Variants in NMT2 observed in about 807,000 individuals in gnomAD.
NMT2 encodes the protein glycylpeptide N-tetradecanoyltransferase 2.
Under a neutral mutation model 65.4 loss-of-function variants are expected in NMT2, and 35 were observed. That is an observed-to-expected ratio of 0.54 (90% confidence interval 0.41 to 0.71). The LOEUF (loss-of-function observed/expected upper bound fraction) is 0.71. Among genes scored for constraint, NMT2 ranks in the 30% least tolerant of loss-of-function variants. The pLI is 0.00. For synonymous variants in NMT2, 226 were observed against 231.8 expected, an observed-to-expected ratio of 0.98 and a Z score of 0.23; for missense variants, 489 against 611.3, an observed-to-expected ratio of 0.80 and a Z score of 2.11.
Position 15,143,543 on chromosome 10 carries a change from A to G in NMT2, c.111-1986T>C, listed in dbSNP as rs528612086. Among the ~76,000 whole-genome samples the G allele has an allele frequency of 2.0e-4, 31 of 152,304 alleles. No homozygotes were observed. In the South Asian group the frequency reaches 6.4e-3, roughly 32 times the overall value. On this transcript the variant is annotated intron_variant, in intron 1 of 11. Transcript: ENST00000378165. ...TGCCTATCCAACTGGATGAAAATAT[A>G]TTTGTCCTGAGTGTCAGTTAGTAAT...
intron 1 of NMT2, among the ~76,000 whole-genome samples, chr10:15,161,705 TA>T (rs1833205142): frequency 6.6e-6 from 1 of 152,018 alleles, no homozygotes. Flanking sequence ...ATAAAAACAA[TA>T]AAGCTGTCAG....
intron 1 of NMT2, among the ~76,000 whole-genome samples, chr10:15,162,917 T>C (rs1381327956): frequency 1.3e-5 from 2 of 149,896 alleles, no homozygotes; most frequent in Non-Finnish European, 3.0e-5. Flanking sequence ...AATATATACA[T>C]ATAAGAGAGA....
chr10:15,116,853 A>G (rs1845764047), intron 9 of NMT2, among the ~76,000 whole-genome samples: 1 of 152,164 alleles, frequency 6.6e-6, no homozygotes, highest in Non-Finnish European at 1.5e-5. Context: ...AACTATTAAA[A>G]CTCAACCAAG....
intron 7 of NMT2, among the ~76,000 whole-genome samples, chr10:15,129,692 C>T (rs1241692408): frequency 1.3e-5 from 2 of 152,010 alleles, no homozygotes; most frequent in East Asian, 1.9e-4. Context: ...TAGATCCACA[C>T]GAGGTCAGGA....
intron 1 of NMT2, chr10:15,154,654 G>T: frequency 2.5e-6 from 1 of 403,120 alleles, no homozygotes; most frequent in African/African-American, 2.1e-5. Context: ...GGCATGGAAG[G>T]GGGCAAGGAA....
intron 6 of NMT2, among the ~76,000 whole-genome samples, chr10:15,131,250 T>C (rs973185892): frequency 1.3e-5 from 2 of 152,140 alleles, no homozygotes; most frequent in African/African-American, 4.8e-5. Context: ...TTTTGGGACT[T>C]TGGTCCATTA....
intron 1 of NMT2, among the ~76,000 whole-genome samples, chr10:15,142,614 A>G (rs908630517): frequency 6.6e-6 from 1 of 152,220 alleles, no homozygotes; most frequent in African/African-American, 2.4e-5. Flanking sequence ...CAATTCTAAA[A>G]TAGAAAACAG....
intron 9 of NMT2, among the ~76,000 whole-genome samples, chr10:15,117,091 C>T (rs947125240): frequency 1.3e-5 from 2 of 152,130 alleles, no homozygotes; most frequent in Non-Finnish European, 2.9e-5. Context: ...CTAAACCAGA[C>T]AGACATTACA....
intron 8 of NMT2, among the ~76,000 whole-genome samples, chr10:15,127,571 T>TAAAAAAAAAAAAAAAAAAAA (rs1222509538): frequency 1.3e-5 from 1 of 75,810 alleles, no homozygotes; most frequent in Admixed American, 1.8e-4. Flanking sequence ...AAAAAAAAAA[T>TAAAAAAAAAAAAAAAAAAAA]AAATAAATAA....
At chr10:15,111,509 C>CAAAAAAAAAAAAAAA (rs58537120) in intron 10 of NMT2, among the ~76,000 whole-genome samples, 3 of 52,802 alleles carry the variant, frequency 5.7e-5, no homozygotes, top group Non-Finnish European at 4.0e-5. Context: ...AGACTCATCT[C>CAAAAAAAAAAAAAAA]AAAAAAAAAA....
At position 15,106,017 on chromosome 10, in the gene NMT2, T is replaced by TA. The variant is rs919332135; in HGVS notation, c.*3177dup. ...GCAGTTATTTATTTTACTTTCGAGA[T>TA]AGAGTCTCACTCTGTTGCCCAGGCT... On this transcript the variant is annotated 3_prime_UTR_variant, in exon 12 of 12. Coordinates refer to ENST00000378165, the MANE Select transcript of NMT2 (RefSeq NM_004808.3). 9.6e-6 allele frequency: 4 copies of TA among 417,038 alleles called. No individual in the cohort carries two copies. The highest frequency in any genetic ancestry group is 4.3e-5 in the African/African-American group (2 of 46,916). The allele number at this position is 417,038 out of a possible 1,614,324, so 25.8% of individuals were successfully genotyped here. A position where few individuals can be genotyped will look rare whatever the true frequency, so the allele number is the denominator to read the frequency against.
intron 1 of NMT2, among the ~76,000 whole-genome samples, chr10:15,161,674 T>C (rs905546591): frequency 2.0e-5 from 3 of 152,144 alleles, no homozygotes; most frequent in African/African-American, 7.2e-5. Flanking sequence ...GGATGTGTTT[T>C]ATAAAGAACG....
chr10:15,129,907 CA>C (rs753710829), intron 7 of NMT2, among the ~76,000 whole-genome samples: 835 of 57,244 alleles, frequency 0.015, 8 homozygotes, highest in African/African-American at 0.037. Flanking sequence ...GAGTCTGCCT[CA>C]AAAAAAAAAA....
intron 1 of NMT2, 70 bp from the exon 2 acceptor site, chr10:15,141,627 C>A (rs1034789502): frequency 6.0e-6 from 9 of 1,505,932 alleles, no homozygotes; most frequent in South Asian, 1.3e-5. Context: ...GAATTGCATA[C>A]AATTAATCAT....
chr10:15,156,670 G>A (rs567477956), intron 1 of NMT2, among the ~76,000 whole-genome samples: 9 of 152,204 alleles, frequency 5.9e-5, no homozygotes, highest in African/African-American at 1.2e-4. Context: ...AGGTCGAGGC[G>A]GGAGGATCAC....
rs765987022 is a variant in NMT2 at position 15,130,786 on chromosome 10, C to CTT, written c.720-476_720-475dup. On this transcript the variant is annotated intron_variant, in intron 6 of 11. Coordinates refer to ENST00000378165, the MANE Select transcript of NMT2 (RefSeq NM_004808.3). Reference sequence around the variant, plus strand: ...GGCCATTCTATTTTCTTCTTTCTTTCTTTTTTTTTTTTTTTTTTTTTGAGA... The same window carrying CTT: ...GGCCATTCTATTTTCTTCTTTCTTTCTTTTTTTTTTTTTTTTTTTTTTTGAGA... Among the ~76,000 whole-genome samples, 296 of 101,156 alleles carry CTT rather than the reference C, an allele frequency of 2.9e-3. 4 individuals are homozygous for CTT. Among genetic ancestry groups the CTT allele is most frequent in the African/African-American group, 8.1e-3 (211 of 26,186 alleles). 66.4% of individuals were successfully genotyped at this position (101,156 alleles called of 152,430 possible).
chr10:15,130,644 C>T (rs1846245407), intron 6 of NMT2, among the ~76,000 whole-genome samples: 1 of 127,414 alleles, frequency 7.8e-6, no homozygotes, highest in Admixed American at 1.0e-4. Flanking sequence ...GCAGAGGGTG[C>T]AGTGAGCCAT....
chr10:15,124,952 G>A (rs1348619996), intron 8 of NMT2, among the ~76,000 whole-genome samples: 1 of 152,146 alleles, frequency 6.6e-6, no homozygotes, highest in Non-Finnish European at 1.5e-5. Flanking sequence ...GATTTATGCT[G>A]TACTCACAGT....
chr10:15,168,531 T>C lies in NMT2; in HGVS notation c.82A>G (p.Asn28Asp), dbSNP rs371502564. ...DQDTCGIDGD[N>D]EEETEHAKGS... ...TTGGCGTGCTCCGTCTCCTCCTCAT[T>C]GTCCCCGTCTATCCCGCACGTGTCC... The change falls in exon 1 of 12, where the codon AAT (asparagine) becomes GAT (aspartate). Residue 28 changes from asparagine (N) to aspartate (D), a missense_variant. Transcript: ENST00000378165. The C allele has an allele frequency of 2.5e-6, 4 of 1,591,402 alleles. No individual in the cohort carries two copies. Among genetic ancestry groups the C allele is most frequent in the African/African-American group, 1.4e-5 (1 of 72,066 alleles).
Sources: gnomAD v4.1 joint callset for allele counts (sites outside exome capture counted in the v4.1 genomes callset) on GRCh38, gnomAD v4.1.1 for gene constraint, MANE v1.5 for transcripts, NCBI Gene and HGNC (gene_info 2026-07-23, HGNC 2026-07-21) for gene names.